CYP27A1: variants seen among roughly 807,000 people sequenced by gnomAD.
CYP27A1 encodes the protein cytochrome P450 family 27 subfamily A member 1.
In CYP27A1, 46 loss-of-function variants were observed where a neutral mutation model predicts 58.2. That is an observed-to-expected ratio of 0.79 (90% CI 0.62 to 1.01). The LOEUF (loss-of-function observed/expected upper bound fraction) is 1.01. Ranked by LOEUF, CYP27A1 falls within the 50% of genes least tolerant of loss-of-function variation. The pLI is 0.00. For synonymous variants in CYP27A1, 274 were observed against 285.1 expected (o/e 0.96, Z 0.39); for missense variants, 704 against 687.0 (o/e 1.02, Z -0.28).
In CYP27A1 at chr2:218,814,403, A is replaced by C; in HGVS notation, c.1208A>C (p.Asn403Thr). 6.2e-7 allele frequency: 1 copy of C among 1,614,072 alleles called. No homozygotes were observed. Residue 403 changes from asparagine to threonine, a missense_variant, in exon 7 of 9, where the codon AAC (asparagine) becomes ACC (threonine). By Grantham distance (65) the Asn-to-Thr change is moderately conservative. Transcript: ENST00000258415. ...TLRLYPVVPT[N>T]SRIIEKEIEV... ...AGTCTCTACCCTGTGGTCCCCACAA[A>C]CTCCCGGATCATAGAAAAGGAAATT...
chr2:218,801,768 G>A (rs578092155), intron 1 of CYP27A1, among the ~76,000 whole-genome samples: 1 of 151,610 alleles, frequency 6.6e-6, no homozygotes, highest in South Asian at 2.1e-4. Context: ...TTTTTCTAAC[G>A]AGTTTTTGAA....
rs753282873 is a variant in CYP27A1 at position 218,782,913 on chromosome 2, G to A, written c.255+476G>A. ...AAAACACAATGCTGCATCTCAGATC[G>A]TGGAAGCAAACTCACAGACAGTAAG... is the stretch of plus-strand genomic sequence containing the variant. On this transcript the variant is annotated intron_variant, in intron 1 of 8. Coordinates refer to ENST00000258415, the MANE Select transcript of CYP27A1 (RefSeq NM_000784.4). This position sits in a 1 kb window ranked among gnomAD's most constrained non-coding sequence, Gnocchi z 4.1. 6.6e-6 allele frequency among the ~76,000 whole-genome samples: 1 copy of A among 152,140 alleles called. No homozygotes were observed. Among genetic ancestry groups the A allele is most frequent in the Non-Finnish European group, 1.5e-5 (1 of 68,024 alleles).
rs778046416 is a variant in CYP27A1, at chr2:218,812,375, C to G, written c.600C>G (p.Asn200Lys). ...TGCGGGCAGAGAGTGCTTCGGGGAA[C>G]CAGGTGTCGGACATGGCTCAACTCT... ...DQLRAESASG[N>K]QVSDMAQLFY... Residue 200 changes from asparagine to lysine, a missense_variant, in exon 3 of 9, where the codon AAC becomes AAG. By Grantham distance (94) the Asn-to-Lys change is moderately conservative (BLOSUM62 0). Transcript: ENST00000258415. The G allele has an allele frequency of 1.2e-6, 2 of 1,614,126 alleles. No individual in the cohort carries two copies. Among genetic ancestry groups the G allele is most frequent in the South Asian group, 2.2e-5 (2 of 91,086 alleles).
chr2:218,811,730 G>T (rs1189376471), intron 2 of CYP27A1, among the ~76,000 whole-genome samples: 1 of 152,176 alleles, frequency 6.6e-6, no homozygotes, highest in Non-Finnish European at 1.5e-5. Context: ...TTATTCCTCA[G>T]CCTCTGCAGC....
At chr2:218,793,129 G>A (rs1237483226) in intron 1 of CYP27A1, among the ~76,000 whole-genome samples, 1 of 152,232 alleles carries the variant, frequency 6.6e-6, no homozygotes, top group Non-Finnish European at 1.5e-5. Context: ...AGGCTGGAGT[G>A]TGATGGCACC....
Position 218,812,279 on chromosome 2 carries a change from A to T in CYP27A1, c.504A>T (p.Pro168=), listed in dbSNP as rs142623022. The change falls in exon 3 of 9, where the codon CCA becomes CCT. Residue 168 remains proline, a synonymous_variant. Transcript: ENST00000258415. ...CTCTGAACCAGCGGTTGCTGAAGCCAGCGGAAGCAGCGCTCTATACGGATG... is the reference window on the plus strand; with the variant it reads ...CTCTGAACCAGCGGTTGCTGAAGCCTGCGGAAGCAGCGCTCTATACGGATG... ...RQALNQRLLK[P]AEAALYTDAF... The T allele has an allele frequency of 1.4e-4, 233 of 1,614,114 alleles. 3 individuals carry two copies. Among genetic ancestry groups the T allele is most frequent in the Non-Finnish European group, 6.4e-5 (76 of 1,180,036 alleles).
chr2:218,787,204 C>T (rs569222852), intron 1 of CYP27A1, among the ~76,000 whole-genome samples: 199 of 152,238 alleles, frequency 1.3e-3, no homozygotes, highest in Admixed American at 2.2e-3. Flanking sequence ...GTGCCAGGCA[C>T]GGTCTTAGGC....
intron 2 of CYP27A1, among the ~76,000 whole-genome samples, chr2:218,810,853 T>G (rs1422446840): frequency 1.3e-5 from 2 of 151,994 alleles, no homozygotes; most frequent in Non-Finnish European, 2.9e-5. Flanking sequence ...AAAATATATA[T>G]TAAAAAAAAT....
intron 1 of CYP27A1, among the ~76,000 whole-genome samples, chr2:218,807,212 G>A (rs1357017929): frequency 1.3e-5 from 2 of 152,024 alleles, no homozygotes; most frequent in Non-Finnish European, 2.9e-5. Context: ...GCCCACCTCA[G>A]CCTCCCAAAG....
chr2:218,792,503 T>A (rs1943503483), intron 1 of CYP27A1, among the ~76,000 whole-genome samples: 1 of 152,206 alleles, frequency 6.6e-6, no homozygotes, highest in Non-Finnish European at 1.5e-5. Context: ...TTAAAGTTAT[T>A]ATAACCTTTT....
At chr2:218,806,329 T>C (rs1943650293) in intron 1 of CYP27A1, among the ~76,000 whole-genome samples, 1 of 152,246 alleles carries the variant, frequency 6.6e-6, no homozygotes, top group East Asian at 1.9e-4. Flanking sequence ...GCTGGACTTA[T>C]TGCAGTAGTT....
intron 5 of CYP27A1, 53 bp downstream of exon 5, chr2:218,813,149 A>G (rs1943743361): frequency 6.5e-7 from 1 of 1,530,738 alleles, no homozygotes. Flanking sequence ...AACCTGAACC[A>G]GTTCCCTATT....
intron 1 of CYP27A1, among the ~76,000 whole-genome samples, chr2:218,787,354 C>A (rs751751195): frequency 1.3e-5 from 2 of 152,170 alleles, no homozygotes; most frequent in Non-Finnish European, 2.9e-5. Flanking sequence ...GGGAGGTGGG[C>A]AGATTGAACA....
chr2:218,812,178 C>A, intron 2 of CYP27A1, 44 bp from the exon 3 acceptor site: 1 of 1,492,858 alleles, frequency 6.7e-7, no homozygotes, highest in Non-Finnish European at 9.3e-7. Context: ...TAATTGAACC[C>A]CCATAGAGGC....
chr2:218,811,863 C>T (rs1943719620), intron 2 of CYP27A1, among the ~76,000 whole-genome samples: 1 of 152,184 alleles, frequency 6.6e-6, no homozygotes, highest in Non-Finnish European at 1.5e-5. Flanking sequence ...TGTGAACGAG[C>T]CTACTCAGAT....
At chr2:218,804,403 T>A (rs1349668238) in intron 1 of CYP27A1, among the ~76,000 whole-genome samples, 1 of 152,236 alleles carries the variant, frequency 6.6e-6, no homozygotes, top group Non-Finnish European at 1.5e-5. Context: ...TTGGTCTATA[T>A]GTCTACACTT....
At chr2:218,802,620 A>G (rs992902315) in intron 1 of CYP27A1, among the ~76,000 whole-genome samples, 1 of 152,236 alleles carries the variant, frequency 6.6e-6, no homozygotes, top group East Asian at 1.9e-4. Context: ...CATTTCCTGT[A>G]GAAAAGAGAG....
In CYP27A1 at chr2:218,813,113, G is replaced by A. The variant is rs1431354879; in HGVS notation, c.1017+17G>A. 34 of 1,596,760 alleles carry A rather than the reference G, an allele frequency of 2.1e-5. No homozygotes were observed. The highest frequency in any genetic ancestry group is 2.6e-5 in the Non-Finnish European group (31 of 1,170,568). On this transcript the variant is annotated intron_variant, in intron 5 of 8. Transcript: ENST00000258415. ...GTGGACACGGTGCGTGAAGGGGGAG[G>A]GTGAGACCAGGGGCCCCCAGCTCCC...
At position 218,788,786 on chromosome 2, in the gene CYP27A1, C is replaced by T. The variant is rs552294649; in HGVS notation, c.255+6349C>T. ...GGATTTTGTTAACACCACTCCCATT[C>T]TGTTAACACATTCTTTCTTCAGTTT... On this transcript the variant is annotated intron_variant, in intron 1 of 8. Transcript: ENST00000258415. Among the ~76,000 whole-genome samples, 32 of 152,334 alleles carry T rather than the reference C, an allele frequency of 2.1e-4. 1 individual carries two copies. Among genetic ancestry groups the T allele is most frequent in the Middle Eastern group, 6.8e-3 (2 of 294 alleles).
Sources: allele counts gnomAD v4.1 joint callset (sites outside exome capture counted in the v4.1 genomes callset), GRCh38; gene constraint gnomAD v4.1.1; non-coding constraint Gnocchi (gnomAD v3.1); transcripts MANE v1.5; gene names NCBI Gene and HGNC (gene_info 2026-07-23, HGNC 2026-07-21).